The following KCNH1 variants were observed in gnomAD, a reference collection of about 807,000 sequenced individuals.
KCNH1 encodes the protein potassium voltage-gated channel subfamily H member 1.
Under a neutral mutation model 69.2 loss-of-function variants are expected in KCNH1, and 27 were observed. That is an observed-to-expected ratio of 0.39 (90% confidence interval 0.29 to 0.54). The LOEUF is 0.54. Ranked by LOEUF, KCNH1 falls within the 20% of genes least tolerant of loss-of-function variation. The pLI, the probability that KCNH1 is intolerant of heterozygous loss-of-function variation, is 0.68. For synonymous variants in KCNH1, 456 were observed against 487.7 expected (o/e 0.93, Z 0.86); for missense variants, 798 against 1,261.6 (o/e 0.63, Z 5.57).
At chr1:210,704,137 T>C (rs1558430744) in intron 10 of KCNH1, among the ~76,000 whole-genome samples, 1 of 152,138 alleles carries the variant, frequency 6.6e-6, no homozygotes, top group African/African-American at 2.4e-5. Flanking sequence ...GGAAAGCTTC[T>C]GGTGCCACCT....
At chr1:210,901,222 T>C (rs997163312) in intron 7 of KCNH1, among the ~76,000 whole-genome samples, 1 of 152,116 alleles carries the variant, frequency 6.6e-6, no homozygotes, top group Admixed American at 6.6e-5. Flanking sequence ...CTATGTAAGA[T>C]ACTAGTCTCA....
intron 7 of KCNH1, among the ~76,000 whole-genome samples, chr1:210,910,838 T>C (rs1280799001): frequency 1.3e-5 from 2 of 152,366 alleles, no homozygotes; most frequent in East Asian, 3.9e-4. Context: ...TTACCTATCA[T>C]TGTAAGTGAT....
chr1:210,984,598 C>A (rs1037783054), intron 6 of KCNH1, among the ~76,000 whole-genome samples: 6 of 152,180 alleles, frequency 3.9e-5, no homozygotes. Context: ...GTATGTTGAA[C>A]CAGCCTTGCA....
At position 210,872,064 on chromosome 1, in the gene KCNH1, A is replaced by T. The variant is rs184654579; in HGVS notation, c.1462+47576T>A. Among the ~76,000 whole-genome samples the T allele has an allele frequency of 3.7e-3, 558 of 151,462 alleles. 4 individuals are homozygous for T. The highest frequency in any genetic ancestry group is 0.013 in the African/African-American group (529 of 41,330). ...ACTTAAAGTATAATAATAATAAATT[A>T]AAAAAAACAAAATATATACATAATA... On this transcript the variant is annotated intron_variant, in intron 7 of 10. Coordinates refer to ENST00000271751, the MANE Select transcript of KCNH1 (RefSeq NM_172362.3).
chr1:211,057,636 C>T (rs976071140), intron 5 of KCNH1, among the ~76,000 whole-genome samples: 1 of 150,404 alleles, frequency 6.6e-6, no homozygotes, highest in Non-Finnish European at 1.5e-5. Flanking sequence ...AAGACCCTGT[C>T]CCAAAAAAAT....
intron 6 of KCNH1, among the ~76,000 whole-genome samples, chr1:210,925,071 T>C (rs1236385322): frequency 6.6e-6 from 1 of 152,066 alleles, no homozygotes; most frequent in Non-Finnish European, 1.5e-5. Context: ...TGCACAGATA[T>C]CAATGTAGGA....
intron 1 of KCNH1, among the ~76,000 whole-genome samples, chr1:211,124,940 A>T (rs1185506215): frequency 6.6e-6 from 1 of 152,166 alleles, no homozygotes; most frequent in Non-Finnish European, 1.5e-5. Context: ...ACATAATCAG[A>T]TCTTAAGAGG....
At position 210,983,992 on chromosome 1, in the gene KCNH1, C is replaced by T. The variant is rs574723370; in HGVS notation, c.1032+34791G>A. 3.3e-5 allele frequency among the ~76,000 whole-genome samples: 5 copies of T among 152,202 alleles called. No homozygotes were observed. The South Asian group carries it at 1.0e-3, about 32-fold the overall frequency. ...GTCCTTGAAGGGGTCCTTCACATCC[C>T]TTGTTAGTTGGATTCCTAGGTATTT... On this transcript the variant is annotated intron_variant, in intron 6 of 10. Coordinates refer to ENST00000271751, the MANE Select transcript of KCNH1 (RefSeq NM_172362.3).
In KCNH1 at chr1:210,697,467, A is replaced by G. The variant is rs778110405; in HGVS notation, c.2113-13329T>C. The stretch of plus-strand genomic sequence containing the variant: ...ACTTTTCCCTCAGGAGTCTTCGTCT[A>G]TCTTTCTCGCAGGCCTGCAAGATGC... On this transcript the variant is annotated intron_variant, in intron 10 of 10. Coordinates refer to ENST00000271751, the MANE Select transcript of KCNH1 (RefSeq NM_172362.3). Among the ~76,000 whole-genome samples the G allele has an allele frequency of 9.2e-5, 14 of 152,220 alleles. No homozygotes were observed. In the East Asian group the frequency reaches 1.7e-3, roughly 19 times the overall value.
At chr1:210,809,743 A>G (rs1558479082) in intron 7 of KCNH1, among the ~76,000 whole-genome samples, 1 of 152,160 alleles carries the variant, frequency 6.6e-6, no homozygotes, top group Non-Finnish European at 1.5e-5. Context: ...AAAAGGGAGG[A>G]GCAGCATCAG....
intron 7 of KCNH1, among the ~76,000 whole-genome samples, chr1:210,810,836 A>G (rs1437594991): frequency 6.6e-6 from 1 of 152,164 alleles, no homozygotes; most frequent in Non-Finnish European, 1.5e-5. Flanking sequence ...TTAGAAATAT[A>G]TGGTAATCCT....
intron 5 of KCNH1, among the ~76,000 whole-genome samples, chr1:211,077,063 A>C (rs572529793): frequency 1.4e-4 from 21 of 152,358 alleles, no homozygotes; most frequent in Admixed American, 3.9e-4. Context: ...TTAGAGAAAA[A>C]AGAGTAAAAA....
intron 7 of KCNH1, among the ~76,000 whole-genome samples, chr1:210,835,865 C>G (rs538262309): frequency 1.3e-5 from 2 of 152,122 alleles, no homozygotes; most frequent in South Asian, 2.1e-4. Context: ...CATGGTGGCT[C>G]AAGCTTGTAA....
chr1:210,937,709 T>C (rs1687797962), intron 6 of KCNH1, among the ~76,000 whole-genome samples: 1 of 152,202 alleles, frequency 6.6e-6, no homozygotes, highest in East Asian at 1.9e-4. Context: ...AGCCTCCAAA[T>C]GTTTTCCTGG....
chr1:211,099,632 C>T (rs147157025), intron 3 of KCNH1, among the ~76,000 whole-genome samples: 70 of 152,192 alleles, frequency 4.6e-4, no homozygotes, highest in Admixed American at 1.9e-3. Flanking sequence ...CACTTTGCAT[C>T]ACATGTTGTT....
intron 7 of KCNH1, among the ~76,000 whole-genome samples, chr1:210,869,602 T>C (rs79229161): frequency 0.091 from 13,870 of 151,636 alleles, 877 homozygotes; most frequent in Non-Finnish European, 0.14. Context: ...CTGGATATTG[T>C]CCTCTTTAAT....
chr1:210,934,326 C>T (rs1687733746), intron 6 of KCNH1, among the ~76,000 whole-genome samples: 1 of 152,148 alleles, frequency 6.6e-6, no homozygotes, highest in Non-Finnish European at 1.5e-5. Context: ...ATACAAGGAA[C>T]TCAACAGCAA....
intron 10 of KCNH1, among the ~76,000 whole-genome samples, chr1:210,701,088 C>A (rs1681763563): frequency 6.6e-6 from 1 of 152,202 alleles, no homozygotes; most frequent in South Asian, 2.1e-4. Flanking sequence ...CAGGCGCCCG[C>A]CACCACGCCT....
chr1:210,845,729 G>C (rs1258400039), intron 7 of KCNH1, among the ~76,000 whole-genome samples: 2 of 148,376 alleles, frequency 1.3e-5, no homozygotes, highest in African/African-American at 5.0e-5. Context: ...TTCTGGCCAG[G>C]GCAATCAGGC....
Sources: allele counts gnomAD v4.1 joint callset (sites outside exome capture counted in the v4.1 genomes callset), GRCh38; gene constraint gnomAD v4.1.1; transcripts MANE v1.5; gene names NCBI Gene and HGNC (gene_info 2026-07-23, HGNC 2026-07-21).